STRBP: variants seen among roughly 807,000 people sequenced by gnomAD.
STRBP encodes spermatid perinuclear RNA-binding protein.
A neutral mutation model predicts 80.1 loss-of-function variants in STRBP; 13 were observed. The observed-to-expected ratio is 0.16, with a 90% confidence interval of 0.11 to 0.26. STRBP has a LOEUF of 0.26. STRBP is among the 10% of genes least tolerant of loss of function. The probability of loss-of-function intolerance (pLI) is 1.00; values close to 1 mark genes in which losing one functional copy is unlikely to be tolerated. For missense variants in STRBP, 485 were observed against 815.2 expected (o/e 0.59, Z 4.93); for synonymous variants, 284 against 291.2 (o/e 0.98, Z 0.25).
downstream of STRBP, among the ~76,000 whole-genome samples, chr9:123,117,169 G>A (rs937088452): frequency 6.6e-6 from 1 of 152,140 alleles, no homozygotes; most frequent in Non-Finnish European, 1.5e-5. Flanking sequence ...AATGCCAGGC[G>A]CTCATTCTCC....
In STRBP at chr9:123,124,311, G is replaced by A. The variant is rs1226955464; in HGVS notation, c.*1286C>T. 1 of 985,298 alleles carries A rather than the reference G, an allele frequency of 1.0e-6. No homozygotes were observed. Among genetic ancestry groups the A allele is most frequent in the East Asian group, 1.1e-4 (1 of 8,832 alleles). The allele number at this position is 985,298 out of a possible 1,614,324, so 61.0% of individuals were successfully genotyped here. On this transcript the variant is annotated 3_prime_UTR_variant, in exon 19 of 19. Transcript: ENST00000348403. ...ACCACACTGCTGCTCCTTCATGGGG[G>A]TGAGTACCTTAATGAAACCATTGAC... is the stretch of plus-strand genomic sequence containing the variant.
chr9:123,124,511 C>G lies in STRBP; in HGVS notation c.*1086G>C, dbSNP rs1234006262. The G allele has an allele frequency of 2.0e-6, 2 of 985,306 alleles. No individual in the cohort carries two copies. Among genetic ancestry groups the G allele is most frequent in the Admixed American group, 6.1e-5 (1 of 16,270 alleles). 61.0% of individuals were successfully genotyped at this position (985,306 alleles called of 1,614,324 possible). A position where few individuals can be genotyped will look rare whatever the true frequency, so the allele number is the denominator to read the frequency against. ...AAACCTGTCACTTTTCACAGCAGCA[C>G]TCAACAAGAACTGGGACAATCGAAG... On this transcript the variant is annotated 3_prime_UTR_variant, in exon 19 of 19. Transcript: ENST00000348403.
intron 2 of STRBP, among the ~76,000 whole-genome samples, chr9:123,188,574 G>A (rs560626054): frequency 2.0e-5 from 3 of 152,198 alleles, no homozygotes; most frequent in South Asian, 2.1e-4. Context: ...CCCAGGAGGC[G>A]AAGCTTGCAG....
intron 2 of STRBP, chr9:123,213,581 T>C (rs536779106): frequency 6.6e-6 from 1 of 152,186 alleles, no homozygotes; most frequent in Non-Finnish European, 1.5e-5. Flanking sequence ...AGGAATGAAG[T>C]GACTTACCTG....
chr9:123,119,345 G>C (rs933023602), downstream of STRBP, among the ~76,000 whole-genome samples: 9 of 151,644 alleles, frequency 5.9e-5, no homozygotes, highest in Non-Finnish European at 1.0e-4. Context: ...GATATTCTAA[G>C]ATCAGCCCTT....
chr9:123,116,628 C>T (rs554585473), downstream of STRBP, among the ~76,000 whole-genome samples: 19 of 152,180 alleles, frequency 1.2e-4, no homozygotes, highest in South Asian at 4.2e-4. Flanking sequence ...GGTTTCAAGG[C>T]GCACAGGGGA....
chr9:123,241,640 G>A (rs1003291872), intron 1 of STRBP, among the ~76,000 whole-genome samples: 1 of 151,716 alleles, frequency 6.6e-6, no homozygotes, highest in African/African-American at 2.4e-5. Flanking sequence ...AAAAATCTAG[G>A]CATTATCTTT....
chr9:123,194,035 T>A (rs895775064), intron 2 of STRBP, among the ~76,000 whole-genome samples: 1 of 152,142 alleles, frequency 6.6e-6, no homozygotes, highest in Non-Finnish European at 1.5e-5. Context: ...ATCCTGGCAT[T>A]TGGGACCCTG....
intron 1 of STRBP, among the ~76,000 whole-genome samples, chr9:123,241,536 T>G (rs1201028871): frequency 6.6e-6 from 1 of 151,838 alleles, no homozygotes; most frequent in Non-Finnish European, 1.5e-5. Flanking sequence ...AAAAATCAAT[T>G]TTTTTTTCTC....
chr9:123,194,456 G>A (rs888345252), intron 2 of STRBP, among the ~76,000 whole-genome samples: 2 of 151,922 alleles, frequency 1.3e-5, no homozygotes, highest in African/African-American at 2.4e-5. Context: ...ATTTCTATCA[G>A]CATTCCCACA....
intron 2 of STRBP, among the ~76,000 whole-genome samples, chr9:123,216,411 C>T (rs182606568): frequency 2.1e-4 from 32 of 152,288 alleles, no homozygotes; most frequent in African/African-American, 7.5e-4. Flanking sequence ...AATTATAATT[C>T]CTGGTACTTC....
chr9:123,264,550 C>A (rs2041228554), intron 1 of STRBP, among the ~76,000 whole-genome samples: 1 of 152,250 alleles, frequency 6.6e-6, no homozygotes, highest in Non-Finnish European at 1.5e-5. Context: ...TAGCTCCAGT[C>A]TTCCCGAAAG....
At chr9:123,268,140 C>T (rs989048888) in intron 1 of STRBP, among the ~76,000 whole-genome samples, 1 of 151,880 alleles carries the variant, frequency 6.6e-6, no homozygotes, top group South Asian at 2.1e-4. Flanking sequence ...CCCACGCCCT[C>T]CCCTGATCGG....
intron 16 of STRBP, among the ~76,000 whole-genome samples, chr9:123,133,787 C>T (rs2036242769): frequency 6.6e-6 from 1 of 152,098 alleles, no homozygotes; most frequent in Non-Finnish European, 1.5e-5. Context: ...GATCTGCCCA[C>T]CTCAGCTTCC....
chr9:123,169,780 T>A, intron 6 of STRBP, 122 bp downstream of exon 6: 1 of 558,408 alleles, frequency 1.8e-6, no homozygotes. Context: ...TAGAGTGGCA[T>A]AAAACAAATG....
At chr9:123,193,961 G>A (rs1191115672) in intron 2 of STRBP, among the ~76,000 whole-genome samples, 1 of 152,082 alleles carries the variant, frequency 6.6e-6, no homozygotes, top group Non-Finnish European at 1.5e-5. Flanking sequence ...ATAATCAATA[G>A]TTCTAAAGGG....
At chr9:123,251,285 C>T (rs2040911488) in intron 1 of STRBP, among the ~76,000 whole-genome samples, 1 of 152,064 alleles carries the variant, frequency 6.6e-6, no homozygotes, top group African/African-American at 2.4e-5. Flanking sequence ...GAACGGACGG[C>T]ACTTACTGAG....
chr9:123,233,788 G>T (rs1033368089), intron 2 of STRBP, among the ~76,000 whole-genome samples: 2 of 152,304 alleles, frequency 1.3e-5, no homozygotes, highest in African/African-American at 4.8e-5. Context: ...CATGAAATGG[G>T]AATTCAAAGA....
At chr9:123,241,629 A>T (rs184469421) in intron 1 of STRBP, among the ~76,000 whole-genome samples, 1 of 152,204 alleles carries the variant, frequency 6.6e-6, no homozygotes, top group Non-Finnish European at 1.5e-5. Context: ...AAAAGAAAAA[A>T]AAAAATCTAG....
Sources: gnomAD v4.1 joint callset for allele counts (sites outside exome capture counted in the v4.1 genomes callset) on GRCh38, gnomAD v4.1.1 for gene constraint, MANE v1.5 for transcripts, NCBI Gene and HGNC (gene_info 2026-07-23, HGNC 2026-07-21) for gene names.